The following CEP63 variants were observed in gnomAD, a reference collection of about 807,000 sequenced individuals.
CEP63 encodes the protein centrosomal protein of 63 kDa.
Under a neutral mutation model 89.1 loss-of-function variants are expected in CEP63, and 84 were observed. That is an observed-to-expected ratio of 0.94 (90% confidence interval 0.79 to 1.13). The LOEUF (loss-of-function observed/expected upper bound fraction) is 1.13, where lower values mean the gene tolerates loss of function less well. Ranked by LOEUF, CEP63 falls within the 50% of genes most tolerant of loss-of-function variation. The pLI is 0.00. For missense variants in CEP63, 838 were observed against 813.3 expected (o/e 1.03, Z -0.37); for synonymous variants, 267 against 272.5 (o/e 0.98, Z 0.20).
chr3:134,768,761 G>A, the CEP63 span, among the ~76,000 whole-genome samples: 1 of 152,222 alleles, frequency 6.6e-6, no homozygotes. Flanking sequence ...TCTAGACACT[G>A]CTGTCGAGGG....
chr3:134,749,183 T>C, the CEP63 span, among the ~76,000 whole-genome samples: 6 of 152,208 alleles, frequency 3.9e-5, no homozygotes, highest in Non-Finnish European at 5.9e-5. Flanking sequence ...ACAGAACCAG[T>C]TGGAGAACTT....
chr3:134,510,519 G>T, intron 3 of CEP63: 3 of 386,310 alleles, frequency 7.8e-6, no homozygotes, highest in Non-Finnish European at 9.9e-6. Flanking sequence ...CTTTTTTCTG[G>T]TATTTTATTC....
chr3:134,497,685 A>G (rs1427869986), intron 2 of CEP63, among the ~76,000 whole-genome samples: 1 of 152,062 alleles, frequency 6.6e-6, no homozygotes, highest in African/African-American at 2.4e-5. Flanking sequence ...GTTTTCTTCT[A>G]GTAGTTTTAT....
chr3:134,613,468 G>A, the CEP63 span, among the ~76,000 whole-genome samples: 2 of 152,178 alleles, frequency 1.3e-5, no homozygotes, highest in East Asian at 3.9e-4. Flanking sequence ...CTCTGAGTGG[G>A]GGTGATGGCC....
At chr3:134,762,306 C>A in the CEP63 span, among the ~76,000 whole-genome samples, 1,851 of 152,214 alleles carry the variant, frequency 0.012, 10 homozygotes, top group Non-Finnish European at 0.018. Flanking sequence ...GAGAATTTCT[C>A]CCCTTCACTG....
the CEP63 span, among the ~76,000 whole-genome samples, chr3:134,696,878 A>G: frequency 4.4e-3 from 676 of 152,364 alleles, 3 homozygotes; most frequent in African/African-American, 0.016. Context: ...AATGCTAATA[A>G]TTCAGGAGGG....
At chr3:134,680,357 C>G in the CEP63 span, among the ~76,000 whole-genome samples, 21 of 152,150 alleles carry the variant, frequency 1.4e-4, no homozygotes, top group Non-Finnish European at 1.6e-4. Flanking sequence ...GTTAAGTTCA[C>G]CAAAACAAAG....
At chr3:134,695,023 C>T in the CEP63 span, among the ~76,000 whole-genome samples, 2 of 152,152 alleles carry the variant, frequency 1.3e-5, no homozygotes, top group Non-Finnish European at 2.9e-5. Context: ...AATTGTGAAG[C>T]AGGTTCTTGC....
intron 12 of CEP63, among the ~76,000 whole-genome samples, chr3:134,557,384 T>TTTTTTTTTTA (rs1956424544): frequency 1.6e-5 from 1 of 61,684 alleles, no homozygotes; most frequent in African/African-American, 3.6e-5. Flanking sequence ...TTGTTTTTTT[T>TTTTTTTTTTA]TTTTTTTTTT....
the CEP63 span, among the ~76,000 whole-genome samples, chr3:134,734,464 C>T: frequency 1.3e-5 from 2 of 152,022 alleles, no homozygotes; most frequent in East Asian, 3.8e-4. Flanking sequence ...AAATAGATAA[C>T]ATTTAGGCAA....
chr3:134,660,207 G>A, the CEP63 span, among the ~76,000 whole-genome samples: 2 of 152,380 alleles, frequency 1.3e-5, no homozygotes, highest in East Asian at 3.9e-4. Flanking sequence ...GTGGCCTGCC[G>A]GTCCCCTCCC....
chr3:134,572,384 C>T (rs905368984), intron 11 of CEP63, among the ~76,000 whole-genome samples: 1 of 152,128 alleles, frequency 6.6e-6, no homozygotes, highest in Non-Finnish European at 1.5e-5. Context: ...ATCCAATAGA[C>T]AGTTTTTCAA....
At chr3:134,504,413 C>T (rs947628058) in intron 2 of CEP63, among the ~76,000 whole-genome samples, 1 of 152,122 alleles carries the variant, frequency 6.6e-6, no homozygotes, top group Admixed American at 6.5e-5. Context: ...TTGAATATAT[C>T]GCCCCATTCT....
the CEP63 span, among the ~76,000 whole-genome samples, chr3:134,663,967 A>G: frequency 1.3e-5 from 2 of 152,156 alleles, no homozygotes; most frequent in Non-Finnish European, 2.9e-5. Flanking sequence ...GGGACAGGGA[A>G]GAGCAGGGCT....
intron 3 of CEP63, chr3:134,510,896 C>A (rs781195725): frequency 2.5e-5 from 5 of 203,022 alleles, no homozygotes; most frequent in Non-Finnish European, 4.0e-5. Context: ...GGCAGCACCC[C>A]CCCAAGAGGG....
At chr3:134,738,615 G>T in the CEP63 span, among the ~76,000 whole-genome samples, 2 of 151,972 alleles carry the variant, frequency 1.3e-5, no homozygotes, top group African/African-American at 4.8e-5. Context: ...TGGGGACTTG[G>T]GGGGACAAAT....
chr3:134,701,207 CGTATATATGTGT>C, the CEP63 span, among the ~76,000 whole-genome samples: 1 of 5,936 alleles, frequency 1.7e-4, no homozygotes, highest in African/African-American at 3.9e-4. Context: ...CACATATATA[CGTATATATGTGT>C]GTATATATAC....
chr3:134,761,686 A>G, the CEP63 span, among the ~76,000 whole-genome samples: 1 of 152,282 alleles, frequency 6.6e-6, no homozygotes, highest in African/African-American at 2.4e-5. Context: ...GCCCTGGTAC[A>G]GTACTTCAGA....
chr3:134,648,663 G>A, the CEP63 span, among the ~76,000 whole-genome samples: 12 of 152,088 alleles, frequency 7.9e-5, no homozygotes, highest in African/African-American at 2.9e-4. Flanking sequence ...AATTCCTAGT[G>A]ACCTAGCCTG....
Sources: gnomAD v4.1 joint callset for allele counts (sites outside exome capture counted in the v4.1 genomes callset) on GRCh38, gnomAD v4.1.1 for gene constraint, MANE v1.5 for transcripts, NCBI Gene and HGNC (gene_info 2026-07-23, HGNC 2026-07-21) for gene names.